EXPH5: variants seen among roughly 807,000 people sequenced by gnomAD.
EXPH5 encodes exophilin-5.
Under a neutral mutation model 41.1 loss-of-function variants are expected in EXPH5, and 42 were observed. The observed-to-expected ratio is 1.02, with a 90% confidence interval of 0.80 to 1.32. The LOEUF (loss-of-function observed/expected upper bound fraction) is 1.32. Among genes scored for constraint, EXPH5 ranks in the 40% most tolerant of loss-of-function variants. The pLI, the probability that EXPH5 is intolerant of heterozygous loss-of-function variation, is 0.00. For synonymous variants in EXPH5, 798 were observed against 833.5 expected, an observed-to-expected ratio of 0.96 and a Z score of 0.73; for missense variants, 2,298 against 2,314.5, an observed-to-expected ratio of 0.99 and a Z score of 0.15.
At chr11:108,560,094 A>G (rs1392663914) in intron 1 of EXPH5, among the ~76,000 whole-genome samples, 1 of 152,182 alleles carries the variant, frequency 6.6e-6, no homozygotes, top group East Asian at 1.9e-4. Context: ...ATAGCTATTC[A>G]ATCTTTGTGT....
At chr11:108,556,332 T>C (rs924866372) in intron 1 of EXPH5, among the ~76,000 whole-genome samples, 2 of 151,924 alleles carry the variant, frequency 1.3e-5, no homozygotes, top group Non-Finnish European at 2.9e-5. Flanking sequence ...GATTTGCCTG[T>C]TTTTGTTTTT....
chr11:108,577,022 T>C (rs556951126), intron 1 of EXPH5, among the ~76,000 whole-genome samples: 2 of 152,376 alleles, frequency 1.3e-5, no homozygotes, highest in Non-Finnish European at 2.9e-5. Context: ...CTTAATATAA[T>C]ATCTTCCAGT....
At chr11:108,527,918 AC>A (rs1216064220) in intron 4 of EXPH5, among the ~76,000 whole-genome samples, 1 of 152,242 alleles carries the variant, frequency 6.6e-6, no homozygotes, top group Non-Finnish European at 1.5e-5. Flanking sequence ...ATAAGTGGAA[AC>A]ATGATGGCCT....
At chr11:108,554,413 T>A (rs143362406) in intron 1 of EXPH5, among the ~76,000 whole-genome samples, 69 of 152,322 alleles carry the variant, frequency 4.5e-4, no homozygotes, top group African/African-American at 1.5e-3. Context: ...GTTTGCACAT[T>A]TGTAAAGTGG....
intron 1 of EXPH5, among the ~76,000 whole-genome samples, chr11:108,592,188 C>T (rs2094129092): frequency 6.6e-6 from 1 of 152,092 alleles, no homozygotes; most frequent in African/African-American, 2.4e-5. Flanking sequence ...AATGATAAAG[C>T]CACTTTTTCT....
intron 1 of EXPH5, among the ~76,000 whole-genome samples, chr11:108,590,172 C>A (rs1161598131): frequency 6.6e-6 from 1 of 152,168 alleles, no homozygotes; most frequent in Admixed American, 6.5e-5. Context: ...TACAACGTCA[C>A]TAACAATGTG....
intron 1 of EXPH5, among the ~76,000 whole-genome samples, chr11:108,543,166 A>G (rs2093921529): frequency 6.6e-6 from 1 of 152,214 alleles, no homozygotes; most frequent in Non-Finnish European, 1.5e-5. Flanking sequence ...TGTCTGCCCC[A>G]TAATGTCAGA....
chr11:108,533,965 T>C (rs2093861518), intron 3 of EXPH5, among the ~76,000 whole-genome samples: 1 of 152,130 alleles, frequency 6.6e-6, no homozygotes, highest in African/African-American at 2.4e-5. Flanking sequence ...TGGCTAATTT[T>C]TTAATGTTTT....
the EXPH5 span, among the ~76,000 whole-genome samples, chr11:108,602,404 C>T: frequency 4.6e-5 from 7 of 152,142 alleles, no homozygotes; most frequent in African/African-American, 1.7e-4. Flanking sequence ...GTTATTTGCC[C>T]CCATCTCCTA....
Position 108,511,160 on chromosome 11 carries a change from C to T in EXPH5, c.4347G>A (p.Gly1449=). 1 of 1,613,344 alleles carries T rather than the reference C, an allele frequency of 6.2e-7. No individual in the cohort carries two copies. Among genetic ancestry groups the T allele is most frequent in the Non-Finnish European group, 8.5e-7 (1 of 1,179,730 alleles). The change falls in exon 6 of 6, where the codon GGG becomes GGA. Residue 1449 remains glycine (G), a synonymous_variant. Transcript: ENST00000265843. ...CAGTAAATGGAATGGCTCTACCACTCCCTGTACACTCCCAAGAACTTCTTC... is the reference window on the plus strand; with the variant it reads ...CAGTAAATGGAATGGCTCTACCACTTCCTGTACACTCCCAAGAACTTCTTC... The part of the protein sequence containing the change: ...QTRRSSWECT[G]SGRAIPFTGS...
chr11:108,593,546 T>C lies in EXPH5; in HGVS notation c.-10A>G, dbSNP rs2094133754. Reference sequence around the variant, plus strand: ...GAGGAACTTTCGTCATTTTCTTTACTGTGTGTGAGTTACACTTAAGCTCCT... The same window carrying C: ...GAGGAACTTTCGTCATTTTCTTTACCGTGTGTGAGTTACACTTAAGCTCCT... On this transcript the variant is annotated 5_prime_UTR_variant, in exon 1 of 6. Coordinates refer to ENST00000265843, the MANE Select transcript of EXPH5 (RefSeq NM_015065.3). 6.2e-7 allele frequency: 1 copy of C among 1,614,204 alleles called. No homozygotes were observed. Among genetic ancestry groups the C allele is most frequent in the African/African-American group, 1.3e-5 (1 of 75,074 alleles).
chr11:108,584,848 G>C (rs2094108854), intron 1 of EXPH5, among the ~76,000 whole-genome samples: 1 of 152,152 alleles, frequency 6.6e-6, no homozygotes, highest in African/African-American at 2.4e-5. Flanking sequence ...CTGAGGCAGA[G>C]TATTCTTAGA....
At chr11:108,585,936 A>G (rs750727450) in intron 1 of EXPH5, among the ~76,000 whole-genome samples, 41 of 152,210 alleles carry the variant, frequency 2.7e-4, no homozygotes, top group Non-Finnish European at 5.6e-4. Context: ...TTATTTATTT[A>G]TTTGTTCATT....
Position 108,573,204 on chromosome 11 carries a change from A to AAG in EXPH5, c.119+20212_119+20213dup. ...AGAAAGAAAGAAAGAAAGAAAAAGA[A>AAG]AGAAAGAAAGAAAGAAAGGGAAAGC... On this transcript the variant is annotated intron_variant, in intron 1 of 5. Coordinates refer to ENST00000265843, the MANE Select transcript of EXPH5 (RefSeq NM_015065.3). 2.7e-5 allele frequency among the ~76,000 whole-genome samples: 4 copies of AAG among 146,684 alleles called. 1 individual carries two copies. Among genetic ancestry groups the AAG allele is most frequent in the South Asian group, 4.3e-4 (2 of 4,636 alleles).
chr11:108,532,323 G>A (rs1179174190), intron 3 of EXPH5, among the ~76,000 whole-genome samples: 3 of 109,270 alleles, frequency 2.7e-5, no homozygotes. Context: ...GACTACTGGT[G>A]TGCACCACCA....
At chr11:108,525,165 A>G (rs1043733159) in intron 4 of EXPH5, among the ~76,000 whole-genome samples, 3 of 152,248 alleles carry the variant, frequency 2.0e-5, no homozygotes, top group African/African-American at 7.2e-5. Context: ...CTCCCCAGCC[A>G]CATGGGACTG....
chr11:108,565,398 C>T (rs552756820), intron 1 of EXPH5, among the ~76,000 whole-genome samples: 1 of 152,256 alleles, frequency 6.6e-6, no homozygotes, highest in Non-Finnish European at 1.5e-5. Context: ...TCAGATTGGC[C>T]ACTACAGCAC....
chr11:108,543,178 CAT>C (rs1362155704), intron 1 of EXPH5, among the ~76,000 whole-genome samples: 1 of 152,196 alleles, frequency 6.6e-6, no homozygotes, highest in Non-Finnish European at 1.5e-5. Context: ...AATGTCAGAA[CAT>C]GTGGCCTGAA....
In EXPH5 at chr11:108,506,268, T is replaced by TG. The variant is rs1217695877; in HGVS notation, c.*3268_*3269insC. ...ACTTGTATGTTAAAATACATAGAAA[T>TG]TTGCTATACTTCTTTAACAAGTGCT... On this transcript the variant is annotated 3_prime_UTR_variant, in exon 6 of 6. Transcript: ENST00000265843. The TG allele has an allele frequency of 6.6e-6, 1 of 152,180 alleles. No homozygotes were observed. Among genetic ancestry groups the TG allele is most frequent in the Non-Finnish European group, 1.5e-5 (1 of 68,038 alleles). 9.4% of individuals were successfully genotyped at this position (152,180 alleles called of 1,614,324 possible).
Sources: gnomAD v4.1 joint callset for allele counts (sites outside exome capture counted in the v4.1 genomes callset) on GRCh38, gnomAD v4.1.1 for gene constraint, MANE v1.5 for transcripts, NCBI Gene and HGNC (gene_info 2026-07-23, HGNC 2026-07-21) for gene names.